Variants in MAOB observed in about 807,000 individuals in gnomAD.
MAOB encodes monoamine oxidase B.
In MAOB, 15 loss-of-function variants were observed where a neutral mutation model predicts 41.9. The observed-to-expected ratio is 0.36, with a 90% CI of 0.24 to 0.55. The LOEUF is 0.55. MAOB is among the 20% of genes least tolerant of loss of function. The probability of loss-of-function intolerance (pLI) is 0.86; values close to 1 mark genes in which losing one functional copy is unlikely to be tolerated. For synonymous variants in MAOB, 167 were observed against 144.2 expected (o/e 1.16, Z -1.13); for missense variants, 345 against 398.7 (o/e 0.87, Z 1.15).
intron 3 of MAOB, among the ~76,000 whole-genome samples, chrX:43,835,586 C>T (rs1014654199): frequency 2.7e-5 from 3 of 112,154 alleles, no homozygotes; most frequent in African/African-American, 9.7e-5. Flanking sequence ...ATGAACGCCA[C>T]TCAGTAGATA....
At chrX:43,844,276 T>C (rs1480642745) in intron 1 of MAOB, among the ~76,000 whole-genome samples, 1 of 111,827 alleles carries the variant, frequency 8.9e-6, no homozygotes, top group African/African-American at 3.3e-5. Flanking sequence ...CCCTTATGCA[T>C]CTGGATTTCC....
chrX:43,788,876 A>G (rs971917272), intron 8 of MAOB, among the ~76,000 whole-genome samples: 3 of 111,400 alleles, frequency 2.7e-5, no homozygotes, highest in African/African-American at 9.7e-5. Context: ...AGTTCTCTCT[A>G]CATATATATA....
At chrX:43,858,787 G>C (rs1041686517) in intron 1 of MAOB, among the ~76,000 whole-genome samples, 1 of 111,480 alleles carries the variant, frequency 9.0e-6, no homozygotes, top group African/African-American at 3.3e-5. Context: ...GATTATTTTT[G>C]GAAAGAGGCT....
intron 1 of MAOB, among the ~76,000 whole-genome samples, chrX:43,872,415 T>C (rs1322321289): frequency 8.9e-6 from 1 of 111,923 alleles, no homozygotes; most frequent in African/African-American, 3.2e-5. Flanking sequence ...TGGTTTCCTA[T>C]TGAAATGGCT....
chrX:43,827,670 A>G (rs889532399), intron 3 of MAOB, among the ~76,000 whole-genome samples: 5 of 111,344 alleles, frequency 4.5e-5, no homozygotes, highest in African/African-American at 1.6e-4. Flanking sequence ...TGGGAAGACT[A>G]TCAAAGAATG....
At chrX:43,829,005 T>G (rs1185467625) in intron 3 of MAOB, among the ~76,000 whole-genome samples, 1 of 111,943 alleles carries the variant, frequency 8.9e-6, no homozygotes, top group African/African-American at 3.2e-5. Flanking sequence ...CATGTACATA[T>G]GAATTTGGTT....
At chrX:43,808,009 G>T (rs1285743862) in intron 3 of MAOB, among the ~76,000 whole-genome samples, 2 of 111,538 alleles carry the variant, frequency 1.8e-5, no homozygotes, top group Non-Finnish European at 3.8e-5. Flanking sequence ...ATCCCTACCA[G>T]CAGAGTAGTG....
At chrX:43,821,938 C>A (rs761298883) in intron 3 of MAOB, among the ~76,000 whole-genome samples, 1 of 112,020 alleles carries the variant, frequency 8.9e-6, no homozygotes, top group South Asian at 3.8e-4. Context: ...TTCTACGAAG[C>A]ATTAAATTAC....
At chrX:43,863,598 C>A (rs967246060) in intron 1 of MAOB, among the ~76,000 whole-genome samples, 1 of 111,438 alleles carries the variant, frequency 9.0e-6, no homozygotes, top group African/African-American at 3.3e-5. Flanking sequence ...AGTCAAAAAA[C>A]CCCTATTTAG....
At chrX:43,771,367 G>A (rs2034180457) in intron 12 of MAOB, among the ~76,000 whole-genome samples, 1 of 111,924 alleles carries the variant, frequency 8.9e-6, no homozygotes, top group African/African-American at 3.2e-5. Context: ...TTCTGAGCAC[G>A]TTTAAGGTAG....
intron 11 of MAOB, among the ~76,000 whole-genome samples, chrX:43,775,951 A>C (rs2034250104): frequency 8.9e-6 from 1 of 112,713 alleles, no homozygotes; most frequent in African/African-American, 3.2e-5. Flanking sequence ...GTTTGTTTTA[A>C]AGGGAGATTT....
chrX:43,794,398 T>A (rs2034502375), intron 7 of MAOB, among the ~76,000 whole-genome samples: 1 of 110,677 alleles, frequency 9.0e-6, no homozygotes, highest in African/African-American at 3.3e-5. Context: ...TGGTATGCCC[T>A]CTCCCCACCT....
intron 12 of MAOB, among the ~76,000 whole-genome samples, chrX:43,773,492 C>T (rs777536575): frequency 2.7e-5 from 3 of 112,734 alleles, no homozygotes; most frequent in Non-Finnish European, 3.8e-5. Context: ...CACAGTGCTT[C>T]GCAAATGGTT....
chrX:43,817,839 G>A (rs970657897), intron 3 of MAOB, among the ~76,000 whole-genome samples: 10 of 111,855 alleles, frequency 8.9e-5, no homozygotes, highest in Non-Finnish European at 1.1e-4. Context: ...TGCTTTTCCC[G>A]TCAACCTTTA....
At chrX:43,771,393 A>G (rs770473481) in intron 12 of MAOB, among the ~76,000 whole-genome samples, 4 of 112,125 alleles carry the variant, frequency 3.6e-5, no homozygotes, top group South Asian at 3.7e-4. Flanking sequence ...CTAAACTATG[A>G]TATTCAGTAC....
chrX:43,837,825 T>A (rs2035088870), intron 3 of MAOB: 1 of 326,926 alleles, frequency 3.1e-6, no homozygotes, highest in African/African-American at 2.7e-5. Context: ...ATTGAAAACC[T>A]CCGCCAGTTC....
chrX:43,848,670 A>G (rs1017528289), intron 1 of MAOB, among the ~76,000 whole-genome samples: 2 of 111,990 alleles, frequency 1.8e-5, no homozygotes, highest in Non-Finnish European at 3.8e-5. Context: ...CTCCTGCCTC[A>G]GCCTCCCCAA....
chrX:43,775,290 A>G lies in MAOB; in HGVS notation c.1138-18T>C. Reference sequence around the variant, plus strand: ...TGCACTGGCTGCAAGATAGAGCAACAAAAACTTGAAGGAGACTCAGAGAAA... The same window carrying G: ...TGCACTGGCTGCAAGATAGAGCAACGAAAACTTGAAGGAGACTCAGAGAAA... On this transcript the variant is annotated intron_variant, in intron 11 of 14. Transcript: ENST00000378069. 1.7e-6 allele frequency: 2 copies of G among 1,198,046 alleles called. No homozygotes were observed. Among genetic ancestry groups the G allele is most frequent in the South Asian group, 3.7e-5 (2 of 53,982 alleles).
At chrX:43,845,305 A>T (rs910274778) in intron 1 of MAOB, among the ~76,000 whole-genome samples, 2 of 112,043 alleles carry the variant, frequency 1.8e-5, no homozygotes, top group African/African-American at 6.5e-5. Flanking sequence ...CTCATGCCTT[A>T]CAACGTAAAT....
Sources: gnomAD v4.1 joint callset for allele counts (sites outside exome capture counted in the v4.1 genomes callset) on GRCh38, gnomAD v4.1.1 for gene constraint, MANE v1.5 for transcripts, NCBI Gene and HGNC (gene_info 2026-07-23, HGNC 2026-07-21) for gene names.